SLC25A24: variants seen among roughly 807,000 people sequenced by gnomAD.
SLC25A24 encodes mitochondrial adenyl nucleotide antiporter SLC25A24.
Under a neutral mutation model 60.7 loss-of-function variants are expected in SLC25A24, and 49 were observed. That is an observed-to-expected ratio of 0.81 (90% CI 0.64 to 1.02). The LOEUF (loss-of-function observed/expected upper bound fraction) is 1.02. Among genes scored for constraint, SLC25A24 ranks in the 50% least tolerant of loss-of-function variants. SLC25A24 has a pLI of 0.00. For missense variants in SLC25A24, 564 were observed against 586.3 expected (o/e 0.96, Z 0.39); for synonymous variants, 202 against 200.6 (o/e 1.01, Z -0.06).
chr1:108,160,365 G>A (rs1443402120), intron 4 of SLC25A24, among the ~76,000 whole-genome samples: 1 of 151,294 alleles, frequency 6.6e-6, no homozygotes, highest in African/African-American at 2.4e-5. Flanking sequence ...GGGCAGCCAG[G>A]CAGAGGGGCT....
chr1:108,158,333 T>C (rs1679959287), intron 4 of SLC25A24, among the ~76,000 whole-genome samples: 1 of 152,208 alleles, frequency 6.6e-6, no homozygotes, highest in Admixed American at 6.5e-5. Flanking sequence ...TAAATTGTTT[T>C]GGCAGAAAAA....
At position 108,165,300 on chromosome 1, in the gene SLC25A24, G is replaced by C. The variant is rs569127454; in HGVS notation, c.399-4007C>G. 1.9e-3 allele frequency among the ~76,000 whole-genome samples: 287 copies of C among 152,260 alleles called. 1 individual carries two copies. Among genetic ancestry groups the C allele is most frequent in the Middle Eastern group, 0.01 (3 of 294 alleles). On this transcript the variant is annotated intron_variant, in intron 3 of 9. Transcript: ENST00000565488. The stretch of plus-strand genomic sequence containing the variant: ...TTGGGGTGCAGAGTTCTGTAGATGT[G>C]TATTAGGTCTGCTTGGTGCAGAGCT...
At chr1:108,163,826 A>T (rs561366183) in intron 3 of SLC25A24, among the ~76,000 whole-genome samples, 2 of 152,140 alleles carry the variant, frequency 1.3e-5, no homozygotes, top group East Asian at 3.9e-4. Flanking sequence ...TTCCAACACT[A>T]TGTCGAATAG....
chr1:108,145,261 G>T (rs546307958), intron 7 of SLC25A24, among the ~76,000 whole-genome samples: 8 of 151,094 alleles, frequency 5.3e-5, no homozygotes, highest in East Asian at 3.9e-4. Flanking sequence ...TTTTTGGTGG[G>T]TTTTTTTTTC....
chr1:108,174,611 A>C (rs1160114754), intron 3 of SLC25A24, among the ~76,000 whole-genome samples: 2 of 152,160 alleles, frequency 1.3e-5, no homozygotes, highest in Non-Finnish European at 2.9e-5. Context: ...TCCAGTACCC[A>C]GAATAGTAGA....
intron 3 of SLC25A24, among the ~76,000 whole-genome samples, chr1:108,169,154 A>G (rs1647354688): frequency 6.6e-6 from 1 of 152,140 alleles, no homozygotes; most frequent in Non-Finnish European, 1.5e-5. Flanking sequence ...GCTCTCTATT[A>G]TGTTTCACTT....
chr1:108,164,240 G>A (rs1417475685), intron 3 of SLC25A24, among the ~76,000 whole-genome samples: 3 of 151,946 alleles, frequency 2.0e-5, no homozygotes, highest in African/African-American at 7.3e-5. Context: ...CAAGGATATT[G>A]GTCTAAAATT....
intron 3 of SLC25A24, among the ~76,000 whole-genome samples, chr1:108,173,017 A>G (rs80043822): frequency 0.05 from 7,675 of 152,260 alleles, 272 homozygotes; most frequent in South Asian, 0.1. Context: ...TACCAATTAT[A>G]TATTAGTCAG....
chr1:108,154,073 A>ATTTTTTTTT (rs3043351), intron 6 of SLC25A24, among the ~76,000 whole-genome samples: 1 of 133,482 alleles, frequency 7.5e-6, no homozygotes, highest in African/African-American at 2.9e-5. Context: ...ATTTTCTTTA[A>ATTTTTTTTT]TTTTTTTTTT....
intron 2 of SLC25A24, among the ~76,000 whole-genome samples, chr1:108,182,764 C>T (rs1368653333): frequency 2.0e-5 from 3 of 152,046 alleles, no homozygotes; most frequent in East Asian, 1.9e-4. Context: ...AGCTGGGAGG[C>T]GGAGGTTGCA....
At chr1:108,182,684 T>C (rs1571306030) in intron 2 of SLC25A24, among the ~76,000 whole-genome samples, 1 of 151,624 alleles carries the variant, frequency 6.6e-6, no homozygotes, top group East Asian at 1.9e-4. Flanking sequence ...AATAGAAAAA[T>C]CAGCCAGGCA....
intron 6 of SLC25A24, among the ~76,000 whole-genome samples, chr1:108,154,670 A>C (rs555445280): frequency 3.3e-5 from 5 of 152,330 alleles, no homozygotes; most frequent in African/African-American, 1.2e-4. Flanking sequence ...CACTTTCATA[A>C]AACTTATGTT....
At chr1:108,161,771 ACTGT>A (rs1680091241) in intron 3 of SLC25A24, among the ~76,000 whole-genome samples, 1 of 152,028 alleles carries the variant, frequency 6.6e-6, no homozygotes, top group African/African-American at 2.4e-5. Flanking sequence ...AAAAAATCAA[ACTGT>A]CAGTGACTGT....
intron 1 of SLC25A24, among the ~76,000 whole-genome samples, chr1:108,186,852 C>T (rs147293632): frequency 0.052 from 7,889 of 151,992 alleles, 279 homozygotes; most frequent in South Asian, 0.1. Context: ...CTGAGGTGGG[C>T]GGATCACCTG....
At chr1:108,151,587 G>C (rs1679758724) in intron 6 of SLC25A24, among the ~76,000 whole-genome samples, 3 of 152,114 alleles carry the variant, frequency 2.0e-5, no homozygotes, top group African/African-American at 7.2e-5. Flanking sequence ...TTTCTTCTCA[G>C]TGTCCTTTGC....
At chr1:108,199,652 C>A in intron 1 of SLC25A24, 2 of 505,682 alleles carry the variant, frequency 4.0e-6, no homozygotes, top group Non-Finnish European at 6.9e-6. Flanking sequence ...AAACAAAGAA[C>A]CTGGGATGGA....
rs3043344 is a variant in SLC25A24 at position 108,187,077 on chromosome 1, C to CAAA, written c.184-1126_184-1124dup. 2.6e-3 allele frequency among the ~76,000 whole-genome samples: 365 copies of CAAA among 139,638 alleles called. 2 individuals carry two copies. In the East Asian group the frequency reaches 0.03, roughly 11 times the overall value. The allele number at this position is 139,638 out of a possible 152,430, so 91.6% of individuals were successfully genotyped here. ...AGGCAATAAGAGTGAAACTCTATCTCAAAAAAAAAAAAAAATTAAAAAAAT... is the reference window on the plus strand; with the variant it reads ...AGGCAATAAGAGTGAAACTCTATCTCAAAAAAAAAAAAAAAAAATTAAAAAAAT... On this transcript the variant is annotated intron_variant, in intron 1 of 9. Transcript: ENST00000565488.
chr1:108,186,443 A>T (rs1648127596), intron 1 of SLC25A24, among the ~76,000 whole-genome samples: 1 of 152,018 alleles, frequency 6.6e-6, no homozygotes, highest in African/African-American at 2.4e-5. Context: ...TGTAAATACT[A>T]GCTACTTGGA....
chr1:108,136,279 T>A lies in SLC25A24; in HGVS notation c.*374A>T, dbSNP rs1679279877. On this transcript the variant is annotated 3_prime_UTR_variant, in exon 10 of 10. Transcript: ENST00000565488. The stretch of plus-strand genomic sequence containing the variant: ...AAATATATAAAACAAGAAATTTAAA[T>A]ATAAAGGAACTGGCATAAACGTAAA... 2 of 156,150 alleles carry A rather than the reference T, an allele frequency of 1.3e-5. No homozygotes were observed. The highest frequency in any genetic ancestry group is 2.4e-5 in the African/African-American group (1 of 41,584). The allele number at this position is 156,150 out of a possible 1,614,324, so 9.7% of individuals were successfully genotyped here.
Sources: gnomAD v4.1 joint callset for allele counts (sites outside exome capture counted in the v4.1 genomes callset) on GRCh38, gnomAD v4.1.1 for gene constraint, MANE v1.5 for transcripts, NCBI Gene and HGNC (gene_info 2026-07-23, HGNC 2026-07-21) for gene names.